Variants in PDE4D observed in about 807,000 individuals in gnomAD.
PDE4D encodes the protein 3',5'-cyclic-AMP phosphodiesterase 4D.
In PDE4D, 24 loss-of-function variants were observed where a neutral mutation model predicts 87.4. The ratio of observed to expected loss-of-function variants is 0.27; its 90% CI spans 0.20 to 0.39. The LOEUF (loss-of-function observed/expected upper bound fraction) is 0.39. PDE4D is among the 10% of genes least tolerant of loss of function. The pLI, the probability that PDE4D is intolerant of heterozygous loss-of-function variation, is 1.00. For missense variants in PDE4D, 714 were observed against 1,041.0 expected, an observed-to-expected ratio of 0.69 and a Z score of 4.32; for synonymous variants, 384 against 383.2, an observed-to-expected ratio of 1.00 and a Z score of -0.02.
chr5:60,214,855 C>G (rs1412712409), intron 1 of PDE4D, among the ~76,000 whole-genome samples: 1 of 152,062 alleles, frequency 6.6e-6, no homozygotes, highest in East Asian at 1.9e-4. Context: ...TCTCTGTGCC[C>G]CAGAAGTCCT....
chr5:59,961,692 A>G (rs980287658), intron 3 of PDE4D, among the ~76,000 whole-genome samples: 2 of 152,188 alleles, frequency 1.3e-5, no homozygotes, highest in Admixed American at 1.3e-4. Flanking sequence ...GGATATAAAT[A>G]CTACAGAAAA....
intron 3 of PDE4D, among the ~76,000 whole-genome samples, chr5:59,906,536 T>C (rs1426128550): frequency 6.6e-6 from 1 of 152,204 alleles, no homozygotes; most frequent in African/African-American, 2.4e-5. Flanking sequence ...ATGTCAATGA[T>C]TGCTCTCATA....
chr5:60,206,866 T>G (rs1742595569), intron 1 of PDE4D, among the ~76,000 whole-genome samples: 2 of 152,252 alleles, frequency 1.3e-5, no homozygotes, highest in African/African-American at 4.8e-5. Context: ...CTTACAATCT[T>G]GTTTAGAGAG....
intron 1 of PDE4D, among the ~76,000 whole-genome samples, chr5:59,264,676 A>G (rs1762570625): frequency 1.3e-5 from 2 of 151,982 alleles, no homozygotes. Flanking sequence ...ACTTAATCCA[A>G]TGTGCAGTTG....
chr5:59,357,312 G>A (rs1236167741), intron 1 of PDE4D, among the ~76,000 whole-genome samples: 1 of 152,096 alleles, frequency 6.6e-6, no homozygotes, highest in Non-Finnish European at 1.5e-5. Flanking sequence ...AAAAATACAT[G>A]CCTATGACTG....
chr5:60,518,089 C>T (rs538477869), intron 1 of PDE4D, among the ~76,000 whole-genome samples: 22 of 152,384 alleles, frequency 1.4e-4, no homozygotes, highest in African/African-American at 5.3e-4. Flanking sequence ...TACACCTGGT[C>T]CAGCCACAGC....
chr5:59,160,050 A>G (rs867341115), intron 5 of PDE4D, among the ~76,000 whole-genome samples: 6 of 152,370 alleles, frequency 3.9e-5, no homozygotes, highest in Middle Eastern at 3.4e-3. Context: ...AAATGATTTA[A>G]TTACATTCAG....
intron 1 of PDE4D, among the ~76,000 whole-genome samples, chr5:59,715,846 G>A (rs1026608631): frequency 2.0e-5 from 3 of 152,220 alleles, no homozygotes; most frequent in Admixed American, 6.5e-5. Flanking sequence ...GTGTTTGCCC[G>A]TCATAACCTG....
chr5:59,030,946 C>A (rs1020367283), intron 6 of PDE4D, among the ~76,000 whole-genome samples: 2 of 152,072 alleles, frequency 1.3e-5, no homozygotes, highest in Non-Finnish European at 2.9e-5. Context: ...ATCCCATCAC[C>A]TAGGCACTAA....
chr5:59,279,803 ATGTGTGTGTTTGTGTGTG>A (rs1359340429), intron 1 of PDE4D, among the ~76,000 whole-genome samples: 3 of 146,150 alleles, frequency 2.1e-5, no homozygotes, highest in African/African-American at 8.0e-5. Flanking sequence ...ATGTATGTGT[ATGTGTGTGTTTGTGTGTG>A]TGTGTGTGTG....
intron 1 of PDE4D, among the ~76,000 whole-genome samples, chr5:59,876,512 C>T (rs1748630135): frequency 6.6e-6 from 1 of 152,104 alleles, no homozygotes; most frequent in African/African-American, 2.4e-5. Flanking sequence ...TAAGAATGGA[C>T]AAACCTAGCC....
chr5:60,267,820 A>G (rs756849081), intron 1 of PDE4D, among the ~76,000 whole-genome samples: 1 of 152,138 alleles, frequency 6.6e-6, no homozygotes, highest in Non-Finnish European at 1.5e-5. Flanking sequence ...TTTGCACCAA[A>G]GAAAACACTT....
At chr5:60,437,641 T>C (rs1404755491) in intron 1 of PDE4D, among the ~76,000 whole-genome samples, 1 of 152,126 alleles carries the variant, frequency 6.6e-6, no homozygotes, top group South Asian at 2.1e-4. Context: ...TTATTTTACT[T>C]TATGTTTATA....
chr5:60,236,042 G>T (rs1746389680), intron 1 of PDE4D, among the ~76,000 whole-genome samples: 1 of 151,804 alleles, frequency 6.6e-6, no homozygotes, highest in Admixed American at 6.6e-5. Flanking sequence ...GACATTCACA[G>T]ACAAATTAAA....
At position 58,973,847 on chromosome 5, in the gene PDE4D, G is replaced by C. The variant is rs1197018390; in HGVS notation, c.*817C>G. Reference sequence around the variant, plus strand: ...AGTTGTTTTTCTCTTTTAAAATATGGAAGTCATTGGTATATAAAACAAACA... The same window carrying C: ...AGTTGTTTTTCTCTTTTAAAATATGCAAGTCATTGGTATATAAAACAAACA... On this transcript the variant is annotated 3_prime_UTR_variant, in exon 15 of 15. Transcript: ENST00000340635. 1 of 107,682 alleles carries C rather than the reference G, an allele frequency of 9.3e-6. No individual in the cohort carries two copies. Among genetic ancestry groups the C allele is most frequent in the Non-Finnish European group, 2.1e-5 (1 of 48,052 alleles). 6.7% of individuals were successfully genotyped at this position (107,682 alleles called of 1,614,324 possible).
intron 1 of PDE4D, among the ~76,000 whole-genome samples, chr5:59,360,256 G>T (rs1031115070): frequency 6.6e-6 from 1 of 152,194 alleles, no homozygotes; most frequent in African/African-American, 2.4e-5. Flanking sequence ...ATACGGAAGA[G>T]ACGAGGGTTG....
At chr5:59,143,363 A>T (rs1005177902) in intron 5 of PDE4D, among the ~76,000 whole-genome samples, 3 of 152,228 alleles carry the variant, frequency 2.0e-5, no homozygotes, top group Non-Finnish European at 4.4e-5. Context: ...AAATGTCACT[A>T]TCAATAAATC....
chr5:59,535,233 CA>C lies in PDE4D; in HGVS notation c.456-319266del, dbSNP rs534301024. Among the ~76,000 whole-genome samples, 446 of 152,232 alleles carry C rather than the reference CA, an allele frequency of 2.9e-3. 4 individuals carry two copies. Among genetic ancestry groups the C allele is most frequent in the East Asian group, 5.4e-3 (28 of 5,174 alleles). ...AGTGGAAGTCTGTGAACCTCTAAAG[CA>C]GCGGAGTCATGAAAGACATTTAGAA... On this transcript the variant is annotated intron_variant, in intron 1 of 14. Transcript: ENST00000340635.
At chr5:59,114,808 G>T (rs1022447474) in intron 5 of PDE4D, among the ~76,000 whole-genome samples, 21 of 151,914 alleles carry the variant, frequency 1.4e-4, no homozygotes, top group African/African-American at 5.1e-4. Context: ...AATTGGGAGA[G>T]CAGAGGAACT....
Sources: allele counts gnomAD v4.1 joint callset (sites outside exome capture counted in the v4.1 genomes callset), GRCh38; gene constraint gnomAD v4.1.1; transcripts MANE v1.5; gene names NCBI Gene and HGNC (gene_info 2026-07-23, HGNC 2026-07-21).